The following SCN9A variants were observed in gnomAD, a reference collection of about 807,000 sequenced individuals.
SCN9A encodes the protein sodium channel protein type 9 subunit alpha.
SCN9A carries 131 observed loss-of-function variants against 187.0 expected under a neutral mutation model. The observed-to-expected ratio is 0.70, with a 90% CI of 0.61 to 0.81. The LOEUF is 0.81. Among genes scored for constraint, SCN9A ranks in the 30% least tolerant of loss-of-function variants. The pLI is 0.00. For missense variants in SCN9A, 2,252 were observed against 2,396.6 expected (o/e 0.94, Z 1.26); for synonymous variants, 809 against 808.6 (o/e 1.00, Z -0.01).
chr2:166,302,102 T>G (rs1698578459), intron 7 of SCN9A: 1 of 151,024 alleles, frequency 6.6e-6, no homozygotes. Context: ...CTTTCCTCCC[T>G]CATTTCCTTT....
Position 166,199,290 on chromosome 2 carries a change from A to G in SCN9A, c.5349T>C (p.Tyr1783=), listed in dbSNP as rs199696636. The G allele has an allele frequency of 1.2e-6, 2 of 1,614,178 alleles. No homozygotes were observed. Among genetic ancestry groups the G allele is most frequent in the African/African-American group, 1.3e-5 (1 of 75,028 alleles). The change falls in exon 27 of 27, where the codon TAT becomes TAC. Residue 1783 remains tyrosine, a synonymous_variant. Coordinates refer to ENST00000642356, the MANE Select transcript of SCN9A (RefSeq NM_001365536.1). ...CGGGATCAAACTTCTCCCAAACCTC[A>G]TAGAACATCTCAAAGTCATCCTCAC... The part of the protein sequence containing the change: ...PLSEDDFEMF[Y]EVWEKFDPDA...
At chr2:166,344,064 A>G (rs1366971869) in intron 1 of SCN9A, among the ~76,000 whole-genome samples, 1 of 152,192 alleles carries the variant, frequency 6.6e-6, no homozygotes, top group Non-Finnish European at 1.5e-5. Flanking sequence ...CTATGGAGAA[A>G]TGCTAAGTCT....
Position 166,234,362 on chromosome 2 carries a change from G to A in SCN9A, c.3802-900C>T, listed in dbSNP as rs111758256. Among the ~76,000 whole-genome samples, 206 of 152,008 alleles carry A rather than the reference G, an allele frequency of 1.4e-3. 1 individual carries two copies. The highest frequency in any genetic ancestry group is 4.9e-3 in the African/African-American group (202 of 41,342). On this transcript the variant is annotated intron_variant, in intron 20 of 26. Coordinates refer to ENST00000642356, the MANE Select transcript of SCN9A (RefSeq NM_001365536.1). Reference sequence around the variant, plus strand: ...AGACGATGTCTAAGAAAAATGTCTGGAATGCAGTTCTTCATTACGAATAAG... The same window carrying A: ...AGACGATGTCTAAGAAAAATGTCTGAAATGCAGTTCTTCATTACGAATAAG...
chr2:166,363,917 G>T (rs957320051), intron 1 of SCN9A, among the ~76,000 whole-genome samples: 1 of 152,030 alleles, frequency 6.6e-6, no homozygotes, highest in African/African-American at 2.4e-5. Flanking sequence ...TCCATATGAT[G>T]GGAGAAAATA....
intron 26 of SCN9A, among the ~76,000 whole-genome samples, chr2:166,202,526 A>G (rs1053880696): frequency 6.6e-6 from 1 of 151,696 alleles, no homozygotes; most frequent in African/African-American, 2.4e-5. Context: ...GTTTTTGTCT[A>G]TTTATTACCC....
At chr2:166,331,864 G>A (rs1413586877) in intron 1 of SCN9A, among the ~76,000 whole-genome samples, 1 of 151,966 alleles carries the variant, frequency 6.6e-6, no homozygotes, top group East Asian at 1.9e-4. Flanking sequence ...AGTCAAAAAT[G>A]ACAAAGAATG....
intron 1 of SCN9A, among the ~76,000 whole-genome samples, chr2:166,363,052 A>G (rs1232287654): frequency 1.3e-5 from 2 of 152,022 alleles, no homozygotes; most frequent in Non-Finnish European, 2.9e-5. Context: ...AGGATTGTCT[A>G]AAAACAAGAA....
chr2:166,256,498 G>A (rs187763866), intron 17 of SCN9A, among the ~76,000 whole-genome samples: 10 of 151,532 alleles, frequency 6.6e-5, no homozygotes, highest in Admixed American at 5.9e-4. Flanking sequence ...ATTTTCTTCT[G>A]TTGTCTAAGT....
At position 166,286,332 on chromosome 2, in the gene SCN9A, G is replaced by C; in HGVS notation, c.1602+4C>G. ...TGATACACATTTAGCAATTTGGGTG[G>C]TACCTGATTGGGGGTAGACAACCTC... is the stretch of plus-strand genomic sequence containing the variant. On this transcript the variant is annotated splice_donor_region_variant and intron_variant, in intron 11 of 26. Coordinates refer to ENST00000642356, the MANE Select transcript of SCN9A (RefSeq NM_001365536.1). 1 of 1,600,268 alleles carries C rather than the reference G, an allele frequency of 6.2e-7. No homozygotes were observed.
intron 17 of SCN9A, among the ~76,000 whole-genome samples, chr2:166,254,896 A>G (rs1261253934): frequency 6.6e-6 from 1 of 151,490 alleles, no homozygotes; most frequent in Non-Finnish European, 1.5e-5. Context: ...ACTCACTAGT[A>G]TTAGGAATCA....
chr2:166,351,845 T>A (rs6746615), intron 1 of SCN9A, among the ~76,000 whole-genome samples: 16,456 of 152,194 alleles, frequency 0.11, 1,122 homozygotes, highest in East Asian at 0.21. Flanking sequence ...ATAATTACCA[T>A]GAAGCTCATC....
At chr2:166,349,833 G>A (rs964158185) in intron 1 of SCN9A, among the ~76,000 whole-genome samples, 8 of 151,926 alleles carry the variant, frequency 5.3e-5, no homozygotes, top group African/African-American at 9.7e-5. Flanking sequence ...TTAGCCAGGC[G>A]TGGTGGGGCA....
chr2:166,250,196 A>G (rs1390310292), intron 18 of SCN9A, among the ~76,000 whole-genome samples: 3 of 152,060 alleles, frequency 2.0e-5, no homozygotes, highest in Admixed American at 1.3e-4. Flanking sequence ...GTTATAAGAA[A>G]CCAGTTGAGA....
chr2:166,278,069 T>A (rs1697315863), intron 15 of SCN9A, 71 bp downstream of exon 15: 1 of 1,321,410 alleles, frequency 7.6e-7, no homozygotes, highest in Non-Finnish European at 1.0e-6. Context: ...CAAAAGTTTT[T>A]AAAAATAATG....
intron 20 of SCN9A, among the ~76,000 whole-genome samples, chr2:166,237,496 G>A (rs1346893127): frequency 1.3e-5 from 2 of 152,030 alleles, no homozygotes; most frequent in Non-Finnish European, 2.9e-5. Flanking sequence ...AGGGCAAGTC[G>A]CATATTTGAG....
At position 166,309,637 on chromosome 2, in the gene SCN9A, T is replaced by G. The variant is rs531528009; in HGVS notation, c.258+1862A>C. On this transcript the variant is annotated intron_variant, in intron 2 of 26. Transcript: ENST00000642356. ...AATGGAAGAACATTCCATGCTCATG[T>G]GTAGGAAGAATCAATATCGTGAAAA... 3.0e-3 allele frequency among the ~76,000 whole-genome samples: 448 copies of G among 151,548 alleles called. 4 individuals are homozygous for G. The highest frequency in any genetic ancestry group is 0.01 in the African/African-American group (429 of 41,128).
chr2:166,218,071 C>A (rs1694413961), intron 24 of SCN9A, among the ~76,000 whole-genome samples: 1 of 151,870 alleles, frequency 6.6e-6, no homozygotes, highest in African/African-American at 2.4e-5. Context: ...TACATGCAAC[C>A]TGTACCCATC....
intron 1 of SCN9A, among the ~76,000 whole-genome samples, chr2:166,363,104 G>A (rs535234661): frequency 2.6e-5 from 4 of 151,888 alleles, no homozygotes; most frequent in South Asian, 2.1e-4. Flanking sequence ...TTCAGTTTTC[G>A]GTAACAAACT....
Position 166,369,362 on chromosome 2 carries a change from C to T in SCN9A, c.-51+6335G>A, listed in dbSNP as rs193290821. On this transcript the variant is annotated intron_variant, in intron 1 of 26. Coordinates refer to ENST00000642356, the MANE Select transcript of SCN9A (RefSeq NM_001365536.1). ...TTTAACACTTTATAAAAATATTTTA[C>T]AGTCTGAAATATAGTAGAGATGTAA... is the stretch of plus-strand genomic sequence containing the variant. 7.0e-4 allele frequency among the ~76,000 whole-genome samples: 106 copies of T among 152,190 alleles called. 1 individual carries two copies. The highest frequency in any genetic ancestry group is 2.3e-3 in the African/African-American group (96 of 41,516).
Sources: allele counts gnomAD v4.1 joint callset (sites outside exome capture counted in the v4.1 genomes callset), GRCh38; gene constraint gnomAD v4.1.1; transcripts MANE v1.5; gene names NCBI Gene and HGNC (gene_info 2026-07-23, HGNC 2026-07-21).